Variants in FSTL5 observed in about 807,000 individuals in gnomAD.
FSTL5 encodes the protein follistatin-related protein 5.
A neutral mutation model predicts 89.1 loss-of-function variants in FSTL5; 62 were observed. That is an observed-to-expected ratio of 0.70 (90% CI 0.57 to 0.86). The LOEUF is 0.86. Among genes scored for constraint, FSTL5 ranks in the 40% least tolerant of loss-of-function variants. The probability of loss-of-function intolerance (pLI) is 0.00; values close to 1 mark genes in which losing one functional copy is unlikely to be tolerated. For missense variants in FSTL5, 1,057 were observed against 1,001.6 expected, an observed-to-expected ratio of 1.06 and a Z score of -0.75; for synonymous variants, 383 against 346.2, an observed-to-expected ratio of 1.11 and a Z score of -1.18.
chr4:161,767,770 T>C (rs149652258), intron 5 of FSTL5, among the ~76,000 whole-genome samples: 2 of 151,574 alleles, frequency 1.3e-5, no homozygotes, highest in African/African-American at 4.9e-5. Context: ...TCATTCTGAA[T>C]AGGATTCAGA....
chr4:161,899,754 C>A lies in FSTL5; in HGVS notation c.409+20650G>T, dbSNP rs564606092. ...GTAAGTAAACCAAAGACAAAGTGAACTCCTTCTAGTACAGCCAGATATTTG... is the reference window on the plus strand; with the variant it reads ...GTAAGTAAACCAAAGACAAAGTGAAATCCTTCTAGTACAGCCAGATATTTG... On this transcript the variant is annotated intron_variant, in intron 4 of 15. Coordinates refer to ENST00000306100, the MANE Select transcript of FSTL5 (RefSeq NM_020116.5). 5.3e-5 allele frequency among the ~76,000 whole-genome samples: 8 copies of A among 152,244 alleles called. No homozygotes were observed. In the South Asian group the frequency reaches 1.2e-3, roughly 24 times the overall value.
rs143432173 is a variant in FSTL5 at position 161,654,022 on chromosome 4, T to C, written c.894+2306A>G. Among the ~76,000 whole-genome samples, 912 of 152,276 alleles carry C rather than the reference T, an allele frequency of 6.0e-3. 9 individuals are homozygous for C. Among genetic ancestry groups the C allele is most frequent in the South Asian group, 0.045 (218 of 4,828 alleles). On this transcript the variant is annotated intron_variant, in intron 7 of 15. Transcript: ENST00000306100. The stretch of plus-strand genomic sequence containing the variant: ...AAATGTATCTGTTCTATAAAGTTTA[T>C]ACAAAATAATTTTATCCAATAAAGT...
At chr4:162,053,968 G>A (rs1042029326) in intron 2 of FSTL5, among the ~76,000 whole-genome samples, 1 of 151,474 alleles carries the variant, frequency 6.6e-6, no homozygotes, top group Non-Finnish European at 1.5e-5. Context: ...TGATGAATCT[G>A]GTATTTAGTA....
In FSTL5 at chr4:161,389,673, C is replaced by T. The variant is rs544535869; in HGVS notation, c.1842-3224G>A. Among the ~76,000 whole-genome samples the T allele has an allele frequency of 6.6e-5, 10 of 152,192 alleles. No homozygotes were observed. The East Asian group carries it at 1.9e-3, about 29-fold the overall frequency. ...GTAAAGTCCTTGACTTCCACGAGTT[C>T]CAATTTCCTCATCAGCAGGAAGAGG... On this transcript the variant is annotated intron_variant, in intron 15 of 15. Coordinates refer to ENST00000306100, the MANE Select transcript of FSTL5 (RefSeq NM_020116.5).
intron 3 of FSTL5, among the ~76,000 whole-genome samples, chr4:161,922,275 C>T (rs1408447098): frequency 6.6e-6 from 1 of 151,536 alleles, no homozygotes; most frequent in Non-Finnish European, 1.5e-5. Context: ...AAGATATTTC[C>T]GATGTATCTC....
chr4:161,977,622 A>T (rs1251292315), intron 3 of FSTL5, among the ~76,000 whole-genome samples: 6 of 79,310 alleles, frequency 7.6e-5, no homozygotes, highest in South Asian at 4.3e-4. Flanking sequence ...CAAAAAAAAA[A>T]AAAAAAAAAA....
chr4:161,715,602 C>G (rs182624335), intron 6 of FSTL5, among the ~76,000 whole-genome samples: 1 of 152,076 alleles, frequency 6.6e-6, no homozygotes, highest in Non-Finnish European at 1.5e-5. Context: ...TTATAAGTTT[C>G]GAACTTATAA....
chr4:161,796,460 T>C (rs1304153636), intron 4 of FSTL5, among the ~76,000 whole-genome samples: 2 of 151,812 alleles, frequency 1.3e-5, no homozygotes, highest in Non-Finnish European at 3.0e-5. Flanking sequence ...ATTGCTATCA[T>C]GTAAATTGTG....
At chr4:161,805,628 T>G (rs990808113) in intron 4 of FSTL5, among the ~76,000 whole-genome samples, 1 of 152,072 alleles carries the variant, frequency 6.6e-6, no homozygotes, top group Non-Finnish European at 1.5e-5. Flanking sequence ...TTGGCTTTGT[T>G]GTGTTTGGGG....
At chr4:161,898,938 G>C (rs1733262443) in intron 4 of FSTL5, among the ~76,000 whole-genome samples, 1 of 151,868 alleles carries the variant, frequency 6.6e-6, no homozygotes, top group South Asian at 2.1e-4. Context: ...CTGGCATCTG[G>C]ATGTATTCTT....
intron 4 of FSTL5, among the ~76,000 whole-genome samples, chr4:161,779,789 A>ATGTG (rs1553965259): frequency 3.9e-5 from 2 of 51,054 alleles, no homozygotes; most frequent in Admixed American, 4.7e-4. Context: ...ATATATATAT[A>ATGTG]TATATATATA....
At chr4:161,787,620 GA>G (rs1741951026) in intron 4 of FSTL5, among the ~76,000 whole-genome samples, 1 of 152,126 alleles carries the variant, frequency 6.6e-6, no homozygotes, top group South Asian at 2.1e-4. Flanking sequence ...TGATGAAAAA[GA>G]GACGTTGCTC....
At chr4:161,947,660 C>A (rs892007637) in intron 3 of FSTL5, among the ~76,000 whole-genome samples, 2 of 151,884 alleles carry the variant, frequency 1.3e-5, no homozygotes, top group South Asian at 2.1e-4. Context: ...AAATCATTTT[C>A]TTTTATTTCT....
At chr4:161,678,881 T>G (rs1737415379) in intron 6 of FSTL5, among the ~76,000 whole-genome samples, 1 of 151,756 alleles carries the variant, frequency 6.6e-6, no homozygotes, top group African/African-American at 2.4e-5. Context: ...CATGAAGGGG[T>G]ATTAATGTCT....
chr4:161,680,971 G>A (rs1737499284), intron 6 of FSTL5, among the ~76,000 whole-genome samples: 1 of 152,040 alleles, frequency 6.6e-6, no homozygotes, highest in Non-Finnish European at 1.5e-5. Flanking sequence ...TCAGTGAAGT[G>A]TAACACTGCA....
chr4:162,053,264 A>C (rs1306621723), intron 2 of FSTL5, among the ~76,000 whole-genome samples: 1 of 151,790 alleles, frequency 6.6e-6, no homozygotes, highest in Non-Finnish European at 1.5e-5. Context: ...AGTGTTTTTC[A>C]GAGTATCTGT....
rs114875850 is a variant in FSTL5 at position 161,743,051 on chromosome 4, A to C, written c.727+16360T>G. On this transcript the variant is annotated intron_variant, in intron 6 of 15. Transcript: ENST00000306100. Reference sequence around the variant, plus strand: ...GTTGATAGTGTTCTTTGATGCATGAAAGTTCTAAATTTTGATGAAGTCTAA... The same window carrying C: ...GTTGATAGTGTTCTTTGATGCATGACAGTTCTAAATTTTGATGAAGTCTAA... 8.1e-3 allele frequency among the ~76,000 whole-genome samples: 1,230 copies of C among 152,180 alleles called. 21 individuals are homozygous for C. The highest frequency in any genetic ancestry group is 0.028 in the African/African-American group (1,152 of 41,532).
Position 161,946,984 on chromosome 4 carries a change from T to C in FSTL5, c.161-26332A>G, listed in dbSNP as rs1458612190. On this transcript the variant is annotated intron_variant, in intron 3 of 15. Coordinates refer to ENST00000306100, the MANE Select transcript of FSTL5 (RefSeq NM_020116.5). Reference sequence around the variant, plus strand: ...TTTCCTGATGAAAAATTATATTGAATACCTTTAATGTAATGATTGACATTT... The same window carrying C: ...TTTCCTGATGAAAAATTATATTGAACACCTTTAATGTAATGATTGACATTT... Among the ~76,000 whole-genome samples the C allele has an allele frequency of 2.0e-5, 3 of 152,328 alleles. No individual in the cohort carries two copies. The East Asian group carries it at 5.8e-4, about 29-fold the overall frequency.
At chr4:161,591,855 G>T (rs1157365807) in intron 7 of FSTL5, among the ~76,000 whole-genome samples, 1 of 152,134 alleles carries the variant, frequency 6.6e-6, no homozygotes, top group Admixed American at 6.6e-5. Context: ...CTTTATAGCT[G>T]GGGAGGCTAA....
Sources: allele counts gnomAD v4.1 joint callset (sites outside exome capture counted in the v4.1 genomes callset), GRCh38; gene constraint gnomAD v4.1.1; transcripts MANE v1.5; gene names NCBI Gene and HGNC (gene_info 2026-07-23, HGNC 2026-07-21).